The following KCTD16 variants were observed in gnomAD, a reference collection of about 807,000 sequenced individuals.
KCTD16 encodes BTB/POZ domain-containing protein KCTD16.
KCTD16 carries 13 observed loss-of-function variants against 33.2 expected under a neutral mutation model. The observed-to-expected ratio is 0.39, with a 90% CI of 0.25 to 0.62. KCTD16 has a LOEUF of 0.62. KCTD16 is among the 20% of genes least tolerant of loss of function. The pLI is 0.50. For missense variants in KCTD16, 441 were observed against 525.1 expected, an observed-to-expected ratio of 0.84 and a Z score of 1.57; for synonymous variants, 197 against 195.3, an observed-to-expected ratio of 1.01 and a Z score of -0.07.
At chr5:144,456,961 T>C (rs1334737833) in intron 3 of KCTD16, among the ~76,000 whole-genome samples, 1 of 152,186 alleles carries the variant, frequency 6.6e-6, no homozygotes, top group African/African-American at 2.4e-5. Context: ...AACACAGAAA[T>C]GTTTTAAATA....
chr5:144,418,917 C>T (rs544712620), intron 3 of KCTD16, among the ~76,000 whole-genome samples: 1 of 152,244 alleles, frequency 6.6e-6, no homozygotes, highest in South Asian at 2.1e-4. Flanking sequence ...AACCCATTAA[C>T]ATCATGGTTA....
chr5:144,376,008 A>G (rs1752083802), intron 3 of KCTD16, among the ~76,000 whole-genome samples: 1 of 152,062 alleles, frequency 6.6e-6, no homozygotes, highest in African/African-American at 2.4e-5. Context: ...TACTTTTAGT[A>G]GAGACGGGGT....
chr5:144,286,278 G>T (rs1755744189), intron 3 of KCTD16, among the ~76,000 whole-genome samples: 1 of 151,910 alleles, frequency 6.6e-6, no homozygotes, highest in Non-Finnish European at 1.5e-5. Flanking sequence ...CTCCAACTTA[G>T]TGAGTTATAG....
At chr5:144,452,564 T>C (rs1753969679) in intron 3 of KCTD16, among the ~76,000 whole-genome samples, 1 of 151,942 alleles carries the variant, frequency 6.6e-6, no homozygotes, top group Non-Finnish European at 1.5e-5. Flanking sequence ...AGTATCTCTA[T>C]TTAAAAATAT....
At chr5:144,190,681 G>T (rs1284172265) in intron 2 of KCTD16, among the ~76,000 whole-genome samples, 3 of 151,980 alleles carry the variant, frequency 2.0e-5, no homozygotes, top group Non-Finnish European at 4.4e-5. Flanking sequence ...CTGTCCCTTT[G>T]CTATTAATAC....
chr5:144,181,081 C>T (rs1023519795), intron 2 of KCTD16, among the ~76,000 whole-genome samples: 7 of 152,048 alleles, frequency 4.6e-5, no homozygotes, highest in Non-Finnish European at 8.8e-5. Context: ...TACAGGCGCC[C>T]ACCACCACGC....
chr5:144,437,021 A>G (rs1753594945), intron 3 of KCTD16, among the ~76,000 whole-genome samples: 2 of 152,204 alleles, frequency 1.3e-5, no homozygotes, highest in South Asian at 2.1e-4. Context: ...TTAAGCAAAA[A>G]GAATGTTACT....
chr5:144,293,165 T>G (rs1412271438), intron 3 of KCTD16, among the ~76,000 whole-genome samples: 1 of 152,226 alleles, frequency 6.6e-6, no homozygotes, highest in Non-Finnish European at 1.5e-5. Flanking sequence ...TCTCTTCCCT[T>G]GCACTCTCCT....
At chr5:144,243,328 C>G (rs555002450) in intron 3 of KCTD16, among the ~76,000 whole-genome samples, 143 of 152,290 alleles carry the variant, frequency 9.4e-4, no homozygotes, top group South Asian at 2.9e-3. Flanking sequence ...CAGAAGAAGT[C>G]ACTATGTGCA....
At chr5:144,395,845 T>C (rs2126942019) in intron 3 of KCTD16, among the ~76,000 whole-genome samples, 1 of 152,326 alleles carries the variant, frequency 6.6e-6, no homozygotes, top group East Asian at 1.9e-4. Context: ...CTGCTCAGGA[T>C]GTCTGTCAGC....
intron 2 of KCTD16, among the ~76,000 whole-genome samples, chr5:144,181,187 C>T (rs1752616872): frequency 6.6e-6 from 1 of 152,184 alleles, no homozygotes; most frequent in African/African-American, 2.4e-5. Context: ...CCCGCCTCTG[C>T]CTCCCAAAGT....
intron 3 of KCTD16, among the ~76,000 whole-genome samples, chr5:144,404,220 C>T (rs1430975280): frequency 6.6e-6 from 1 of 152,122 alleles, no homozygotes; most frequent in East Asian, 1.9e-4. Flanking sequence ...AAGCCCCTCA[C>T]CTATTGGCAG....
At chr5:144,465,991 A>C (rs1489628151) in intron 3 of KCTD16, among the ~76,000 whole-genome samples, 1 of 151,888 alleles carries the variant, frequency 6.6e-6, no homozygotes, top group African/African-American at 2.4e-5. Flanking sequence ...GGCGTCTGCC[A>C]CCATGCCTGG....
chr5:144,174,068 T>C (rs990869678), intron 1 of KCTD16, among the ~76,000 whole-genome samples: 2 of 152,102 alleles, frequency 1.3e-5, no homozygotes, highest in South Asian at 2.1e-4. Context: ...TGAGGCAACA[T>C]GAGCTAGACT....
chr5:144,383,765 T>G (rs1430369408), intron 3 of KCTD16, among the ~76,000 whole-genome samples: 1 of 152,154 alleles, frequency 6.6e-6, no homozygotes, highest in Non-Finnish European at 1.5e-5. Flanking sequence ...AAATGCATTA[T>G]CATGACCAGC....
At chr5:144,465,573 G>T (rs1018771668) in intron 3 of KCTD16, among the ~76,000 whole-genome samples, 11 of 151,218 alleles carry the variant, frequency 7.3e-5, no homozygotes, top group African/African-American at 2.7e-4. Flanking sequence ...GGTCGTGTAG[G>T]TCTGCCAGCA....
chr5:144,394,740 C>T (rs1752527609), intron 3 of KCTD16, among the ~76,000 whole-genome samples: 1 of 152,216 alleles, frequency 6.6e-6, no homozygotes, highest in Non-Finnish European at 1.5e-5. Flanking sequence ...GCTCTTCTCT[C>T]TCCTGCCACC....
intron 3 of KCTD16, among the ~76,000 whole-genome samples, chr5:144,237,180 A>G (rs949496617): frequency 6.6e-6 from 1 of 152,062 alleles, no homozygotes; most frequent in Non-Finnish European, 1.5e-5. Flanking sequence ...TGGCTTTGCC[A>G]GTTACATGCC....
At chr5:144,467,006 T>A (rs56044746) in intron 3 of KCTD16, among the ~76,000 whole-genome samples, 26 of 91,872 alleles carry the variant, frequency 2.8e-4, no homozygotes, top group African/African-American at 6.4e-4. Context: ...ATTATATATA[T>A]TATATATAAT....
Sources: gnomAD v4.1 joint callset for allele counts (sites outside exome capture counted in the v4.1 genomes callset) on GRCh38, gnomAD v4.1.1 for gene constraint, MANE v1.5 for transcripts, NCBI Gene and HGNC (gene_info 2026-07-23, HGNC 2026-07-21) for gene names.